BTNL9: variants seen among roughly 807,000 people sequenced by gnomAD.
The protein encoded by BTNL9 is butyrophilin-like protein 9.
In BTNL9, 45 loss-of-function variants were observed where a neutral mutation model predicts 45.8. That is an observed-to-expected ratio of 0.98 (90% CI 0.77 to 1.26). BTNL9 has a LOEUF of 1.26. Among genes scored for constraint, BTNL9 ranks in the 50% most tolerant of loss-of-function variants. The probability of loss-of-function intolerance (pLI) is 0.00; values close to 1 mark genes in which losing one functional copy is unlikely to be tolerated. For missense variants in BTNL9, 784 were observed against 729.7 expected, an observed-to-expected ratio of 1.07 and a Z score of -0.86; for synonymous variants, 346 against 330.8, an observed-to-expected ratio of 1.05 and a Z score of -0.50.
chr5:181,057,041 TGTGA>T (rs1292601476), intron 9 of BTNL9: 11 of 150,086 alleles, frequency 7.3e-5, no homozygotes, highest in Admixed American at 1.3e-4. Flanking sequence ...TGTGTGTGTG[TGTGA>T]GATTAATCCC....
chr5:181,049,942 G>T, intron 3 of BTNL9, 146 bp from the exon 4 acceptor site: 2 of 1,000,162 alleles, frequency 2.0e-6, no homozygotes, highest in Non-Finnish European at 1.5e-6. Context: ...GTCCATGGGC[G>T]GGGAGCGCCA....
chr5:181,058,982 T>TA (rs1453416786), intron 10 of BTNL9, among the ~76,000 whole-genome samples: 2 of 152,122 alleles, frequency 1.3e-5, no homozygotes, highest in Non-Finnish European at 2.9e-5. Flanking sequence ...CTTCCTTTGC[T>TA]ATCTCTGGTA....
At chr5:181,059,184 C>T (rs1200562559) in intron 10 of BTNL9, 53 bp from the exon 11 acceptor site, 6 of 1,427,536 alleles carry the variant, frequency 4.2e-6, no homozygotes, top group Non-Finnish European at 4.6e-6. Flanking sequence ...GGGGAAGACA[C>T]GGACGGGGCC....
chr5:181,057,650 G>A (rs531351775), intron 9 of BTNL9, among the ~76,000 whole-genome samples: 1 of 152,252 alleles, frequency 6.6e-6, no homozygotes, highest in African/African-American at 2.4e-5. Flanking sequence ...CCCAAAAAAT[G>A]CAAAAGGAGT....
intron 4 of BTNL9, among the ~76,000 whole-genome samples, chr5:181,051,246 A>C (rs1176218327): frequency 1.3e-5 from 2 of 152,288 alleles, no homozygotes; most frequent in South Asian, 2.1e-4. Flanking sequence ...AAGTCTTATT[A>C]TGAGGCAGCC....
At chr5:181,051,201 G>A (rs184299291) in intron 4 of BTNL9, among the ~76,000 whole-genome samples, 76 of 152,202 alleles carry the variant, frequency 5.0e-4, no homozygotes, top group Non-Finnish European at 7.2e-4. Flanking sequence ...GGAAGTGGGC[G>A]TGTAGGCAGT....
chr5:181,054,056 GCACTTC>G lies in BTNL9; in HGVS notation c.887-181_887-176del. The stretch of plus-strand genomic sequence containing the variant: ...TATGCAGAAGGGCAGCCAAGGGTGC[GCACTTC>G]CCCATCCCCTGCCTGGAGCCTCACT... On this transcript the variant is annotated intron_variant, in intron 6 of 10. Transcript: ENST00000327705. 6 of 1,545,200 alleles carry G rather than the reference GCACTTC, an allele frequency of 3.9e-6. No individual in the cohort carries two copies. The South Asian group carries it at 6.0e-5, about 15-fold the overall frequency.
Position 181,059,809 on chromosome 5 carries a change from G to A in BTNL9, c.1555G>A (p.Asp519Asn), listed in dbSNP as rs1177544530. ...GTGVPEENDS[D>N]TWLQPYEPAD... The stretch of plus-strand genomic sequence containing the variant: ...GGGCGTCCCCGAAGAGAACGACAGT[G>A]ACACCTGGCTACAGCCCTATGAGCC... The change falls in exon 11 of 11, where the codon GAC (aspartate) becomes AAC (asparagine). Residue 519 changes from aspartate (D) to asparagine (N), a missense_variant. By Grantham distance (23) the Asp-to-Asn change is conservative. Transcript: ENST00000327705. 2.5e-6 allele frequency: 4 copies of A among 1,600,888 alleles called. No homozygotes were observed. The highest frequency in any genetic ancestry group is 4.5e-5 in the East Asian group (2 of 44,682).
chr5:181,051,022 G>A (rs891426179), intron 4 of BTNL9, among the ~76,000 whole-genome samples: 2 of 126,418 alleles, frequency 1.6e-5, no homozygotes, highest in African/African-American at 3.0e-5. Context: ...GGGGGCAGAG[G>A]TTGCAGTGAG....
In BTNL9 at chr5:181,059,239, GAT is replaced by G; in HGVS notation, c.986_987del (p.Asp329GlyfsTer179). The G allele has an allele frequency of 6.4e-7, 1 of 1,554,350 alleles. No homozygotes were observed. Among genetic ancestry groups the G allele is most frequent in the Non-Finnish European group, 8.6e-7 (1 of 1,159,948 alleles). Reference protein sequence around the residue: ...EWRAAQKYAVDVTLDPASAHP... With the variant: ...EWRAAQKYAVXVTLDPASAHP... ...ACTAACGCTGTGGCTCTGCGCAGTG[GAT>G]GTGACGCTGGACCCGGCCTCGGCGC... On this transcript the variant is annotated frameshift_variant, in exon 11 of 11. Coordinates refer to ENST00000327705, the MANE Select transcript of BTNL9 (RefSeq NM_152547.5). LOFTEE classifies it low-confidence loss of function (END_TRUNC).
intron 4 of BTNL9, among the ~76,000 whole-genome samples, chr5:181,051,412 G>A (rs907634466): frequency 1.3e-5 from 2 of 152,170 alleles, no homozygotes; most frequent in South Asian, 2.1e-4. Context: ...ACAAGCCAAT[G>A]CACACATGTT....
chr5:181,059,358 G>A lies in BTNL9; in HGVS notation c.1104G>A (p.Ser368=). 3 of 1,540,912 alleles carry A rather than the reference G, an allele frequency of 1.9e-6. No homozygotes were observed. The highest frequency in any genetic ancestry group is 1.2e-5 in the South Asian group (1 of 83,856). Residue 368 remains serine, a synonymous_variant, in exon 11 of 11, where the codon TCG becomes TCA. Coordinates refer to ENST00000327705, the MANE Select transcript of BTNL9 (RefSeq NM_152547.5). Reference sequence around the variant, plus strand: ...CGCCTGGCCACCCGCAGCGGTTCTCGGAGCAGACGTGCGCGCTGAGCCTGG... The same window carrying A: ...CGCCTGGCCACCCGCAGCGGTTCTCAGAGCAGACGTGCGCGCTGAGCCTGG... ...GPAPGHPQRF[S]EQTCALSLER... is the part of the protein sequence containing the mutation.
Position 181,053,972 on chromosome 5 carries a change from T to G in BTNL9, c.887-267T>G, listed in dbSNP as rs536919268. 3.3e-6 allele frequency: 5 copies of G among 1,529,870 alleles called. No homozygotes were observed. In the African/African-American group the frequency reaches 6.9e-5, roughly 21 times the overall value. The allele number at this position is 1,529,870 out of a possible 1,614,324, so 94.8% of individuals were successfully genotyped here. A position where few individuals can be genotyped will look rare whatever the true frequency, so the allele number is the denominator to read the frequency against. ...AACGTTTCCGCCGAGCTAATAGATTTGGGAGGCTCCGACCCTGATTTTCAC... is the reference window on the plus strand; with the variant it reads ...AACGTTTCCGCCGAGCTAATAGATTGGGGAGGCTCCGACCCTGATTTTCAC... On this transcript the variant is annotated intron_variant, in intron 6 of 10. Transcript: ENST00000327705. This position sits in a 1 kb window ranked among gnomAD's most constrained non-coding sequence, Gnocchi z 6.5.
chr5:181,059,679 C>G lies in BTNL9; in HGVS notation c.1425C>G (p.His475Gln), dbSNP rs753334630. ...VSDGSHIFTFHDTFSGALCAY... is the reference protein window; with the variant it reads ...VSDGSHIFTFQDTFSGALCAY... ...ACGGCTCCCACATCTTCACCTTCCA[C>G]GACACCTTCTCGGGCGCGCTCTGTG... The change falls in exon 11 of 11, where the codon CAC becomes CAG. Residue 475 changes from histidine to glutamine, a missense_variant. His to Gln is a conservative substitution (Grantham distance 24). Transcript: ENST00000327705. 3.1e-6 allele frequency: 5 copies of G among 1,613,738 alleles called. No homozygotes were observed. In the Admixed American group the frequency reaches 6.7e-5, roughly 22 times the overall value.
Position 181,042,644 on chromosome 5 carries a change from C to T in BTNL9, c.-24+2212C>T, listed in dbSNP as rs1582109931. Among the ~76,000 whole-genome samples the T allele has an allele frequency of 6.6e-6, 1 of 152,192 alleles. No homozygotes were observed. The highest frequency in any genetic ancestry group is 1.5e-5 in the Non-Finnish European group (1 of 68,036). ...AGATGATACCCTTGAGTGTTGGGAG[C>T]AAAGGGACCAGGTACCTGTTCCTCC... is the stretch of plus-strand genomic sequence containing the variant. On this transcript the variant is annotated intron_variant, in intron 1 of 10. Coordinates refer to ENST00000327705, the MANE Select transcript of BTNL9 (RefSeq NM_152547.5). This position sits in a 1 kb window ranked among gnomAD's most constrained non-coding sequence, Gnocchi z 4.5.
intron 3 of BTNL9, among the ~76,000 whole-genome samples, chr5:181,049,064 G>A (rs575225499): frequency 2.7e-5 from 4 of 150,902 alleles, no homozygotes; most frequent in East Asian, 3.9e-4. Flanking sequence ...GCTCTTCCAT[G>A]TACTGTTAAT....
At chr5:181,054,844 T>G (rs1159640666) in intron 7 of BTNL9, 1 of 985,310 alleles carries the variant, frequency 1.0e-6, no homozygotes, top group Non-Finnish European at 1.2e-6. Flanking sequence ...ATAGCCCTAA[T>G]AAGTCATTAA....
chr5:181,053,505 A>C lies in BTNL9; in HGVS notation c.886+4A>C, dbSNP rs1273691159. 3 of 1,576,828 alleles carry C rather than the reference A, an allele frequency of 1.9e-6. No homozygotes were observed. The highest frequency in any genetic ancestry group is 1.3e-5 in the African/African-American group (1 of 74,532). ...AAGCAGGCGGAGAAGAGACAAGGTG[A>C]GCGGGGACAGGGCGTTCTGCACGCA... On this transcript the variant is annotated splice_donor_region_variant and intron_variant, in intron 6 of 10. Transcript: ENST00000327705. This position sits in a 1 kb window ranked among gnomAD's most constrained non-coding sequence, Gnocchi z 6.5.
rs1360179894 is a variant in BTNL9 at position 181,048,253 on chromosome 5, T to C, written c.436T>C (p.Trp146Arg). Residue 146 changes from tryptophan to arginine, a missense_variant, in exon 3 of 11, where the codon TGG (tryptophan) becomes CGG (arginine). Physicochemically the swap from Trp to Arg is moderately radical, Grantham distance 101 (BLOSUM62 -3). Coordinates refer to ENST00000327705, the MANE Select transcript of BTNL9 (RefSeq NM_152547.5). ...CGACAACTTCTCTGGCGAAGCTCTC[T>C]GGGAACTGGAGGTAGCAGGTGCGTG... The part of the protein sequence containing the change: ...HSDNFSGEAL[W>R]ELEVAGLGSD... The C allele has an allele frequency of 3.7e-6, 6 of 1,610,842 alleles. No homozygotes were observed. The highest frequency in any genetic ancestry group is 5.1e-6 in the Non-Finnish European group (6 of 1,178,070).
Sources: gnomAD v4.1 joint callset for allele counts (sites outside exome capture counted in the v4.1 genomes callset) on GRCh38, gnomAD v4.1.1 for gene constraint, Gnocchi (gnomAD v3.1) non-coding constraint, MANE v1.5 for transcripts, NCBI Gene and HGNC (gene_info 2026-07-23, HGNC 2026-07-21) for gene names.